The following CTNNA1 variants were observed in gnomAD, a reference collection of about 807,000 sequenced individuals.
The protein encoded by CTNNA1 is catenin alpha 1, also known as catenin alpha-1.
Under a neutral mutation model 98.4 loss-of-function variants are expected in CTNNA1, and 37 were observed. That is an observed-to-expected ratio of 0.38 (90% CI 0.29 to 0.49). The LOEUF (loss-of-function observed/expected upper bound fraction) is 0.49. Ranked by LOEUF, CTNNA1 falls within the 20% of genes least tolerant of loss-of-function variation. CTNNA1 has a pLI of 0.95. For synonymous variants in CTNNA1, 404 were observed against 413.2 expected, an observed-to-expected ratio of 0.98 and a Z score of 0.27; for missense variants, 761 against 1,147.2, an observed-to-expected ratio of 0.66 and a Z score of 4.86.
At chr5:138,821,056 A>G (rs1024316534) in intron 5 of CTNNA1, among the ~76,000 whole-genome samples, 2 of 152,212 alleles carry the variant, frequency 1.3e-5, no homozygotes, top group Admixed American at 6.5e-5. Context: ...TTGTTTAACA[A>G]CTGAGTGACT....
At chr5:138,932,802 G>T (rs1168678402) in intron 17 of CTNNA1, 90 bp downstream of exon 17, 9 of 1,497,916 alleles carry the variant, frequency 6.0e-6, no homozygotes, top group Non-Finnish European at 8.3e-6. Context: ...ATAAACACCT[G>T]CCCTGGGAAA....
Position 138,824,656 on chromosome 5 carries a change from G to A in CTNNA1, c.715G>A (p.Ala239Thr), listed in dbSNP as rs1760458078. Residue 239 changes from alanine to threonine, a missense_variant, in exon 6 of 18, where the codon GCC (alanine) becomes ACC (threonine). Around this residue, in one of 6 missense-constraint regions of CTNNA1, gnomAD observed 328 missense variants for 354.3 expected, o/e 0.93. Coordinates refer to ENST00000302763, the MANE Select transcript of CTNNA1 (RefSeq NM_001903.5). ...LQHPDVAAYKANRDLIYKQLQ... is the reference protein window; with the variant it reads ...LQHPDVAAYKTNRDLIYKQLQ... ...GCACCCTGATGTCGCAGCCTATAAG[G>A]CCAACAGGGACCTGATATACAAGCA... 1 of 1,614,024 alleles carries A rather than the reference G, an allele frequency of 6.2e-7. No homozygotes were observed. Among genetic ancestry groups the A allele is most frequent in the Admixed American group, 1.7e-5 (1 of 59,996 alleles).
At chr5:138,824,482 A>G in intron 5 of CTNNA1, 48 bp from the exon 6 acceptor site, 2 of 1,586,866 alleles carry the variant, frequency 1.3e-6, no homozygotes, top group Non-Finnish European at 1.7e-6. Flanking sequence ...ATATGAGTAA[A>G]GCCCATATAA....
At chr5:138,932,836 T>C in intron 17 of CTNNA1, 124 bp downstream of exon 17, 1 of 1,244,150 alleles carries the variant, frequency 8.0e-7, no homozygotes, top group South Asian at 1.2e-5. Context: ...AAACTCCAAG[T>C]CCTGTCCCAG....
rs768454005 is a variant in CTNNA1, at chr5:138,873,781, C to G, written c.1063-12431C>G. ...CGATGGCTTTGATTTCATTTCCAGT[C>G]AGGTCTAGCTTTTCTAAAGTGCCCC... On this transcript the variant is annotated intron_variant, in intron 7 of 17. Transcript: ENST00000302763. This position sits in a 1 kb window ranked among gnomAD's most constrained non-coding sequence, Gnocchi z 6.1. The G allele has an allele frequency of 2.5e-6, 4 of 1,614,018 alleles. No homozygotes were observed. The Admixed American group carries it at 5.0e-5, about 20-fold the overall frequency.
At chr5:138,880,966 T>A in intron 7 of CTNNA1, 2 of 438,516 alleles carry the variant, frequency 4.6e-6, no homozygotes, top group South Asian at 3.3e-5. Flanking sequence ...ATATGTGATG[T>A]TGTTAATGCA....
intron 7 of CTNNA1, among the ~76,000 whole-genome samples, chr5:138,831,780 A>G (rs532616336): frequency 4.6e-5 from 7 of 152,174 alleles, no homozygotes; most frequent in Non-Finnish European, 1.0e-4. Context: ...GAACATGACA[A>G]CTCCTTAAAA....
At chr5:138,788,172 T>A (rs1755927132) in intron 3 of CTNNA1, among the ~76,000 whole-genome samples, 3 of 152,184 alleles carry the variant, frequency 2.0e-5, no homozygotes, top group Admixed American at 6.5e-5. Flanking sequence ...CAGTGGTAAT[T>A]TAAGTTGGTT....
intron 7 of CTNNA1, among the ~76,000 whole-genome samples, chr5:138,853,227 C>T (rs1378715581): frequency 6.6e-6 from 1 of 151,932 alleles, no homozygotes; most frequent in East Asian, 1.9e-4. Flanking sequence ...GGATTATAGG[C>T]GTGAGCCACT....
At chr5:138,863,991 C>A (rs1764515145) in intron 7 of CTNNA1, among the ~76,000 whole-genome samples, 1 of 152,128 alleles carries the variant, frequency 6.6e-6, no homozygotes, top group Admixed American at 6.6e-5. Flanking sequence ...TAGATGGGAT[C>A]TTGCTCTGTT....
At chr5:138,869,644 T>C (rs1581361360) in intron 7 of CTNNA1, 1 of 152,724 alleles carries the variant, frequency 6.5e-6, no homozygotes, top group East Asian at 1.9e-4. Context: ...ATTTTAGAAT[T>C]CAAACCTAGT....
chr5:138,776,524 ATCG>A (rs1288832532), intron 1 of CTNNA1, among the ~76,000 whole-genome samples: 3 of 152,138 alleles, frequency 2.0e-5, no homozygotes, highest in Admixed American at 6.5e-5. Flanking sequence ...CAAAACCGCC[ATCG>A]TCATCATGGC....
intron 7 of CTNNA1, among the ~76,000 whole-genome samples, chr5:138,840,046 C>T (rs777352399): frequency 1.8e-4 from 28 of 152,178 alleles, no homozygotes; most frequent in Non-Finnish European, 3.8e-4. Context: ...TTAATAGCTG[C>T]CCCTCTAACT....
chr5:138,844,972 G>A (rs1204290533), intron 7 of CTNNA1, among the ~76,000 whole-genome samples: 1 of 152,100 alleles, frequency 6.6e-6, no homozygotes, highest in African/African-American at 2.4e-5. Context: ...ATTAGTAGGT[G>A]GCTCACTGAC....
intron 10 of CTNNA1, among the ~76,000 whole-genome samples, chr5:138,905,755 C>CT (rs1355465850): frequency 6.6e-6 from 1 of 152,212 alleles, no homozygotes; most frequent in Non-Finnish European, 1.5e-5. Flanking sequence ...GTTTGTCTGG[C>CT]TTGACACTCC....
At chr5:138,781,694 G>GT (rs1755133559) in intron 1 of CTNNA1, among the ~76,000 whole-genome samples, 1 of 152,308 alleles carries the variant, frequency 6.6e-6, no homozygotes, top group Admixed American at 6.5e-5. Flanking sequence ...CATTCTGTGT[G>GT]TTTGGGAATG....
chr5:138,911,860 TGAA>T (rs1760703610), intron 10 of CTNNA1, among the ~76,000 whole-genome samples: 1 of 152,102 alleles, frequency 6.6e-6, no homozygotes, highest in Admixed American at 6.5e-5. Context: ...ATTTTGAAGG[TGAA>T]CTTTACTGAA....
Position 138,933,866 on chromosome 5 carries a change from TGAAGGCATCCTACGTCGCC to T in CTNNA1, c.2499_2517del (p.Lys834LeufsTer22). On this transcript the variant is annotated frameshift_variant, in exon 18 of 18. Coordinates refer to ENST00000302763, the MANE Select transcript of CTNNA1 (RefSeq NM_001903.5). LOFTEE classifies it high-confidence loss of function. ...TTGATGAATGCTGTGGTGCAGACAG[TGAAGGCATCCTACGTCGCC>T]TCTACCAAATACCAAAAGTCACAGG... 6.2e-7 allele frequency: 1 copy of T among 1,614,134 alleles called. No individual in the cohort carries two copies. Among genetic ancestry groups the T allele is most frequent in the Non-Finnish European group, 8.5e-7 (1 of 1,180,002 alleles).
chr5:138,853,901 T>G (rs999097586), intron 7 of CTNNA1, among the ~76,000 whole-genome samples: 1 of 152,224 alleles, frequency 6.6e-6, no homozygotes, highest in African/African-American at 2.4e-5. Context: ...GATAATAAAT[T>G]GCCTGACTTT....
Sources: gnomAD v4.1 joint callset for allele counts (sites outside exome capture counted in the v4.1 genomes callset) on GRCh38, gnomAD v4.1.1 for gene constraint, gnomAD v4.1.1 regional missense constraint, Gnocchi (gnomAD v3.1) non-coding constraint, MANE v1.5 for transcripts, NCBI Gene and HGNC (gene_info 2026-07-23, HGNC 2026-07-21) for gene names.